HAUS6: variants seen among roughly 807,000 people sequenced by gnomAD.
HAUS6 encodes the protein HAUS augmin like complex subunit 6, also known as HAUS augmin-like complex subunit 6.
A neutral mutation model predicts 106.8 loss-of-function variants in HAUS6; 80 were observed. That is an observed-to-expected ratio of 0.75 (90% confidence interval 0.63 to 0.90). HAUS6 has a LOEUF of 0.90. Ranked by LOEUF, HAUS6 falls within the 40% of genes least tolerant of loss-of-function variation. The pLI, the probability that HAUS6 is intolerant of heterozygous loss-of-function variation, is 0.00. For synonymous variants in HAUS6, 356 were observed against 379.1 expected (o/e 0.94, Z 0.71); for missense variants, 1,155 against 1,118.1 (o/e 1.03, Z -0.47).
chr9:19,089,258 GA>G (rs555197567), intron 5 of HAUS6, among the ~76,000 whole-genome samples, 153 bp downstream of exon 5: 36 of 140,772 alleles, frequency 2.6e-4, no homozygotes, highest in African/African-American at 2.3e-4. Flanking sequence ...CTCAGATAGG[GA>G]AAAAAAAAAA....
chr9:19,093,050 G>T, intron 4 of HAUS6, 121 bp downstream of exon 4: 1 of 688,876 alleles, frequency 1.5e-6, no homozygotes, highest in Non-Finnish European at 2.4e-6. Context: ...TTTCCTTTTT[G>T]GGGTACATTA....
rs568012586 is a variant in HAUS6, at chr9:19,072,204, A to C, written c.1295-1904T>G. 2.4e-4 allele frequency among the ~76,000 whole-genome samples: 36 copies of C among 148,494 alleles called. No individual in the cohort carries two copies. The East Asian group carries it at 6.9e-3, about 28-fold the overall frequency. On this transcript the variant is annotated intron_variant, in intron 11 of 16. Coordinates refer to ENST00000380502, the MANE Select transcript of HAUS6 (RefSeq NM_017645.5). ...AAACTCCCTCTCAAAAAAAAAAAAG[A>C]AAAGAAAAATTAACTAACTACAAAT...
chr9:19,092,977 T>C (rs976193684), intron 4 of HAUS6, among the ~76,000 whole-genome samples, 194 bp downstream of exon 4: 1 of 149,572 alleles, frequency 6.7e-6, no homozygotes, highest in Non-Finnish European at 1.5e-5. Flanking sequence ...TAAAATAATA[T>C]AAATAGTAAC....
At chr9:19,068,491 A>G (rs1242152763) in intron 12 of HAUS6, among the ~76,000 whole-genome samples, 1 of 152,262 alleles carries the variant, frequency 6.6e-6, no homozygotes, top group Non-Finnish European at 1.5e-5. Context: ...TGTGAACTAG[A>G]TTACTGCAGA....
intron 8 of HAUS6, among the ~76,000 whole-genome samples, chr9:19,081,389 A>G (rs1837146434): frequency 6.6e-6 from 1 of 152,106 alleles, no homozygotes; most frequent in African/African-American, 2.4e-5. Flanking sequence ...TTTGGCTTGC[A>G]CATTTCTATG....
chr9:19,093,522 G>A (rs548965900), intron 3 of HAUS6, among the ~76,000 whole-genome samples: 1 of 152,156 alleles, frequency 6.6e-6, no homozygotes, highest in East Asian at 1.9e-4. Flanking sequence ...AAGCAAAGTG[G>A]GTAAGGCCCC....
intron 12 of HAUS6, among the ~76,000 whole-genome samples, chr9:19,067,689 A>G (rs1836791339): frequency 6.6e-6 from 1 of 151,988 alleles, no homozygotes; most frequent in Admixed American, 6.6e-5. Flanking sequence ...TTCAAAAAGA[A>G]TTTTGTTTTT....
intron 8 of HAUS6, among the ~76,000 whole-genome samples, chr9:19,082,199 C>A (rs1837165988): frequency 1.3e-5 from 2 of 152,202 alleles, no homozygotes; most frequent in South Asian, 4.1e-4. Context: ...CAACACTTAA[C>A]AGCATCAAGA....
chr9:19,079,795 C>T (rs893192798), intron 9 of HAUS6, among the ~76,000 whole-genome samples: 7 of 150,724 alleles, frequency 4.6e-5, no homozygotes, highest in South Asian at 2.1e-4. Flanking sequence ...CTCAGCTACT[C>T]GGGAGTCTGA....
chr9:19,074,799 T>C (rs922748437), intron 11 of HAUS6, among the ~76,000 whole-genome samples: 15 of 152,214 alleles, frequency 9.9e-5, no homozygotes, highest in African/African-American at 3.6e-4. Flanking sequence ...AATTTGTTTT[T>C]TATTCATTCA....
intron 8 of HAUS6, among the ~76,000 whole-genome samples, chr9:19,082,588 A>T (rs1329798224): frequency 6.6e-6 from 1 of 152,144 alleles, no homozygotes; most frequent in Non-Finnish European, 1.5e-5. Flanking sequence ...GTCTACTAAA[A>T]ATACAAAATT....
chr9:19,078,561 G>A (rs574076115), intron 9 of HAUS6, among the ~76,000 whole-genome samples: 92 of 152,282 alleles, frequency 6.0e-4, no homozygotes, highest in Non-Finnish European at 8.8e-4. Flanking sequence ...GCCAAGGCAG[G>A]TGGATCACCT....
rs763894085 is a variant in HAUS6, at chr9:19,096,695, G to C, written c.203C>G (p.Ser68Cys). The change falls in exon 2 of 17, where the codon TCT becomes TGT. Residue 68 changes from serine (S) to cysteine (C), a missense_variant. Physicochemically the swap from Ser to Cys is moderately radical, Grantham distance 112 (BLOSUM62 -1). Around this residue, in one of 3 missense-constraint regions of HAUS6, gnomAD observed 761 missense variants for 690.0 expected, o/e 1.10. Coordinates refer to ENST00000380502, the MANE Select transcript of HAUS6 (RefSeq NM_017645.5). ...SYFLFQVLDQSLTKEVFKFCW... is the reference protein window; with the variant it reads ...SYFLFQVLDQCLTKEVFKFCW... Reference sequence around the variant, plus strand: ...TTACTTGAAAACTTCTTTGGTGAGAGACTGGTCCAGAACTTGAAACAAAAA... The same window carrying C: ...TTACTTGAAAACTTCTTTGGTGAGACACTGGTCCAGAACTTGAAACAAAAA... 9 of 1,496,920 alleles carry C rather than the reference G, an allele frequency of 6.0e-6. No homozygotes were observed. Among genetic ancestry groups the C allele is most frequent in the Middle Eastern group, 1.8e-4 (1 of 5,642 alleles). 92.7% of individuals were successfully genotyped at this position (1,496,920 alleles called of 1,614,324 possible). A position where few individuals can be genotyped will look rare whatever the true frequency, so the allele number is the denominator to read the frequency against.
At chr9:19,081,525 C>T (rs1357600446) in intron 8 of HAUS6, among the ~76,000 whole-genome samples, 1 of 151,920 alleles carries the variant, frequency 6.6e-6, no homozygotes, top group Admixed American at 6.6e-5. Context: ...TTGCAGCCTC[C>T]GACCCAAGCA....
chr9:19,077,275 C>A (rs1168788754), intron 10 of HAUS6, among the ~76,000 whole-genome samples: 2 of 152,210 alleles, frequency 1.3e-5, no homozygotes, highest in African/African-American at 4.8e-5. Flanking sequence ...TGGCTCACGC[C>A]CATAATCCCA....
chr9:19,061,949 A>C (rs1409433516), intron 14 of HAUS6, among the ~76,000 whole-genome samples: 3 of 152,244 alleles, frequency 2.0e-5, no homozygotes, highest in Non-Finnish European at 4.4e-5. Context: ...AATATCTGCT[A>C]AACCAAATTT....
At position 19,063,138 on chromosome 9, in the gene HAUS6, G is replaced by A; in HGVS notation, c.1499C>T (p.Pro500Leu). 1.2e-6 allele frequency: 2 copies of A among 1,602,150 alleles called. No individual in the cohort carries two copies. Among genetic ancestry groups the A allele is most frequent in the Non-Finnish European group, 1.7e-6 (2 of 1,171,430 alleles). The stretch of plus-strand genomic sequence containing the variant: ...TGGAGAATTTTCCACTTCAAATTCT[G>A]GTATTTTCTTAGAAATTGCTTCATT... ...EKNEAISKKIPEFEVENSPLS... is the reference protein window; with the variant it reads ...EKNEAISKKILEFEVENSPLS... Residue 500 changes from proline (P) to leucine (L), a missense_variant, in exon 14 of 17, where the codon CCA (proline) becomes CTA (leucine). Pro to Leu is a moderately conservative substitution (Grantham distance 98). Around this residue, in one of 3 missense-constraint regions of HAUS6, gnomAD observed 761 missense variants for 690.0 expected, o/e 1.10. Transcript: ENST00000380502.
In HAUS6 at chr9:19,063,505, A is replaced by T. The variant is rs762576867; in HGVS notation, c.1443+9T>A. On this transcript the variant is annotated intron_variant, in intron 13 of 16. Coordinates refer to ENST00000380502, the MANE Select transcript of HAUS6 (RefSeq NM_017645.5). ...TCCAGAATTAATTGAGACTTATTTT[A>T]AAATATACCTTTTCAAGTACTGTAA... is the stretch of plus-strand genomic sequence containing the variant. 6.9e-7 allele frequency: 1 copy of T among 1,440,266 alleles called. No individual in the cohort carries two copies. 89.2% of individuals were successfully genotyped at this position (1,440,266 alleles called of 1,614,324 possible). A position where few individuals can be genotyped will look rare whatever the true frequency, so the allele number is the denominator to read the frequency against.
At chr9:19,066,124 C>G (rs968440220) in intron 12 of HAUS6, among the ~76,000 whole-genome samples, 23 of 151,886 alleles carry the variant, frequency 1.5e-4, no homozygotes, top group African/African-American at 5.3e-4. Context: ...TTAATAGGGA[C>G]AGGGTTTCAC....
Sources: gnomAD v4.1 joint callset for allele counts (sites outside exome capture counted in the v4.1 genomes callset) on GRCh38, gnomAD v4.1.1 for gene constraint, gnomAD v4.1.1 regional missense constraint, MANE v1.5 for transcripts, NCBI Gene and HGNC (gene_info 2026-07-23, HGNC 2026-07-21) for gene names.